ARF1: variants seen among roughly 807,000 people sequenced by gnomAD.
ARF1 encodes the protein ADP-ribosylation factor 1.
ARF1 carries 1 observed loss-of-function variant against 18.0 expected under a neutral mutation model. The observed-to-expected ratio is 0.06, with a 90% CI of 0.02 to 0.26. The LOEUF (loss-of-function observed/expected upper bound fraction) is 0.26. ARF1 is among the 10% of genes least tolerant of loss of function. ARF1 has a pLI of 1.00. For missense variants in ARF1, 73 were observed against 247.2 expected (o/e 0.30, Z 4.73); for synonymous variants, 112 against 96.3 (o/e 1.16, Z -0.95).
Position 228,097,025 on chromosome 1 carries a change from G to C in ARF1, c.-37-53G>C. 6.7e-7 allele frequency: 1 copy of C among 1,482,986 alleles called. No individual in the cohort carries two copies. The allele number at this position is 1,482,986 out of a possible 1,614,324, so 91.9% of individuals were successfully genotyped here. The stretch of plus-strand genomic sequence containing the variant: ...GCATCCCTGGGTGGGTGGGTTCTGA[G>C]CAACCACTGCTGGGCAGCACAGAAC... On this transcript the variant is annotated intron_variant, in intron 1 of 4. Coordinates refer to ENST00000272102, the MANE Select transcript of ARF1 (RefSeq NM_001658.4). This position sits in a 1 kb window ranked among gnomAD's most constrained non-coding sequence, Gnocchi z 8.1.
intron 1 of ARF1, among the ~76,000 whole-genome samples, chr1:228,090,080 G>A (rs548143947): frequency 9.8e-5 from 15 of 152,368 alleles, no homozygotes; most frequent in South Asian, 4.1e-4. Context: ...ACAGGGGAAC[G>A]CACTGCTAGC....
chr1:228,082,963 G>A lies in ARF1; in HGVS notation c.-38+198G>A. The A allele has an allele frequency of 6.6e-6, 1 of 152,500 alleles. No homozygotes were observed. Among genetic ancestry groups the A allele is most frequent in the South Asian group, 1.9e-4 (1 of 5,130 alleles). The allele number at this position is 152,500 out of a possible 1,614,324, so 9.4% of individuals were successfully genotyped here. On this transcript the variant is annotated intron_variant, in intron 1 of 4. Coordinates refer to ENST00000272102, the MANE Select transcript of ARF1 (RefSeq NM_001658.4). This position sits in a 1 kb window ranked among gnomAD's most constrained non-coding sequence, Gnocchi z 6.1. ...GGCCCGGCCGGAGTCGGGGCTGGGCGGACGGGCGGGTCGGTGAGCTCCTCG... is the reference window on the plus strand; with the variant it reads ...GGCCCGGCCGGAGTCGGGGCTGGGCAGACGGGCGGGTCGGTGAGCTCCTCG...
intron 1 of ARF1, among the ~76,000 whole-genome samples, chr1:228,095,396 CGCAG>C (rs2032708210): frequency 6.6e-6 from 1 of 152,148 alleles, no homozygotes; most frequent in Admixed American, 6.5e-5. Context: ...CATGGCTCAG[CGCAG>C]GCCTAAGCCC....
At chr1:228,096,153 G>A (rs1375697458) in intron 1 of ARF1, among the ~76,000 whole-genome samples, 1 of 152,214 alleles carries the variant, frequency 6.6e-6, no homozygotes, top group Non-Finnish European at 1.5e-5. Flanking sequence ...GGATGAGAGA[G>A]TCACCAGCGG....
At chr1:228,094,667 G>C (rs996205462) in intron 1 of ARF1, among the ~76,000 whole-genome samples, 1 of 152,130 alleles carries the variant, frequency 6.6e-6, no homozygotes, top group Admixed American at 6.6e-5. Context: ...CTGTGGGCTC[G>C]CATCCTCTCC....
chr1:228,086,993 TGTG>T (rs1024279939), intron 1 of ARF1, among the ~76,000 whole-genome samples: 5 of 152,242 alleles, frequency 3.3e-5, no homozygotes, highest in African/African-American at 1.2e-4. Context: ...CCCCTGCTCA[TGTG>T]GTGTGAGAAG....
At chr1:228,084,136 T>C (rs1390248327) in intron 1 of ARF1, among the ~76,000 whole-genome samples, 1 of 152,242 alleles carries the variant, frequency 6.6e-6, no homozygotes, top group African/African-American at 2.4e-5. Context: ...GCTGTTGCGT[T>C]AGCCATTGTC....
chr1:228,090,934 C>T (rs1202293470), intron 1 of ARF1: 1 of 152,260 alleles, frequency 6.6e-6, no homozygotes, highest in African/African-American at 2.4e-5. Flanking sequence ...GAGACACTGC[C>T]TTCAGCAGCC....
In ARF1 at chr1:228,097,131, C is replaced by G; in HGVS notation, c.17C>G (p.Ala6Gly). Residue 6 changes from alanine to glycine, a missense_variant, in exon 2 of 5, where the codon GCC becomes GGC. This residue lies in a region of ARF1 where 13 missense variants were observed against 17.2 expected (regional missense o/e 0.75). Coordinates refer to ENST00000272102, the MANE Select transcript of ARF1 (RefSeq NM_001658.4). This position sits in a 1 kb window ranked among gnomAD's most constrained non-coding sequence, Gnocchi z 8.1. The part of the protein sequence containing the change: MGNIF[A>G]NLFKGLFGKK... ...TCCACAAGCATGGGGAACATCTTCGCCAACCTCTTCAAGGGCCTTTTTGGC... is the reference window on the plus strand; with the variant it reads ...TCCACAAGCATGGGGAACATCTTCGGCAACCTCTTCAAGGGCCTTTTTGGC... 3 of 1,607,542 alleles carry G rather than the reference C, an allele frequency of 1.9e-6. No homozygotes were observed. The highest frequency in any genetic ancestry group is 2.5e-6 in the Non-Finnish European group (3 of 1,176,662).
chr1:228,098,341 A>C lies in ARF1; in HGVS notation c.*328A>C, dbSNP rs748699232. Reference sequence around the variant, plus strand: ...GGCCTCCAGGAGTCGCTGTGTTGGGAGAGCCGGCCACGCCCTTGGCTTTAG... The same window carrying C: ...GGCCTCCAGGAGTCGCTGTGTTGGGCGAGCCGGCCACGCCCTTGGCTTTAG... On this transcript the variant is annotated 3_prime_UTR_variant, in exon 5 of 5. Coordinates refer to ENST00000272102, the MANE Select transcript of ARF1 (RefSeq NM_001658.4). 36 of 212,224 alleles carry C rather than the reference A, an allele frequency of 1.7e-4. No homozygotes were observed. Among genetic ancestry groups the C allele is most frequent in the Non-Finnish European group, 2.7e-4 (29 of 107,704 alleles). The allele number at this position is 212,224 out of a possible 1,614,324, so 13.1% of individuals were successfully genotyped here. A position where few individuals can be genotyped will look rare whatever the true frequency, so the allele number is the denominator to read the frequency against.
chr1:228,097,816 T>C lies in ARF1; in HGVS notation c.385-36T>C, dbSNP rs1404900845. On this transcript the variant is annotated intron_variant, in intron 4 of 4. Transcript: ENST00000272102. The surrounding 1 kb of genome is among the most constrained non-coding windows in gnomAD (Gnocchi z 8.1). ...TGGTGGGGCCCCTTTCTCTGTCCTG[T>C]GGACAGCCCTTCCCACCAACCCTTC... 22 of 1,603,204 alleles carry C rather than the reference T, an allele frequency of 1.4e-5. No homozygotes were observed. Among genetic ancestry groups the C allele is most frequent in the Non-Finnish European group, 1.9e-5 (22 of 1,173,618 alleles).
At chr1:228,094,057 TGGC>T (rs971640059) in intron 1 of ARF1, among the ~76,000 whole-genome samples, 5 of 151,838 alleles carry the variant, frequency 3.3e-5, no homozygotes, top group African/African-American at 7.3e-5. Flanking sequence ...TGGGCATGGT[TGGC>T]GGCACTGCCC....
At chr1:228,094,638 C>A (rs373711272) in intron 1 of ARF1, among the ~76,000 whole-genome samples, 4 of 152,254 alleles carry the variant, frequency 2.6e-5, no homozygotes, top group African/African-American at 9.6e-5. Context: ...GGCTAGGCTG[C>A]TGCTCTCTCT....
intron 1 of ARF1, among the ~76,000 whole-genome samples, chr1:228,095,484 G>A (rs532549997): frequency 6.6e-5 from 10 of 152,242 alleles, no homozygotes; most frequent in South Asian, 6.2e-4. Context: ...CTTTGAACCC[G>A]ACCCAACACA....
chr1:228,083,483 T>C (rs1307269029), intron 1 of ARF1: 1 of 152,150 alleles, frequency 6.6e-6, no homozygotes, highest in African/African-American at 2.4e-5. Flanking sequence ...CCAGAGTGCC[T>C]CCCTTCACAC....
chr1:228,086,060 G>A (rs2032388058), intron 1 of ARF1, among the ~76,000 whole-genome samples: 1 of 152,188 alleles, frequency 6.6e-6, no homozygotes, highest in Admixed American at 6.5e-5. Context: ...AGTGGAGAGG[G>A]ACTGAAGATT....
rs1404699228 is a variant in ARF1, at chr1:228,097,315, A to G, written c.149-27A>G. The G allele has an allele frequency of 6.2e-7, 1 of 1,612,010 alleles. No individual in the cohort carries two copies. The highest frequency in any genetic ancestry group is 8.5e-7 in the Non-Finnish European group (1 of 1,178,930). ...CTGGGCTGGGCTGGGCCAAGGTACA[A>G]GGCCTCACCCTGCATCCCGCACCCA... On this transcript the variant is annotated intron_variant, in intron 2 of 4. Coordinates refer to ENST00000272102, the MANE Select transcript of ARF1 (RefSeq NM_001658.4). This position sits in a 1 kb window ranked among gnomAD's most constrained non-coding sequence, Gnocchi z 8.1.
chr1:228,085,522 A>G (rs1295759195), intron 1 of ARF1, among the ~76,000 whole-genome samples: 1 of 152,154 alleles, frequency 6.6e-6, no homozygotes, highest in South Asian at 2.1e-4. Context: ...GCTGGCTGAT[A>G]AGCCATAAAG....
rs1172435424 is a variant in ARF1 at position 228,089,373 on chromosome 1, G to C, written c.-38+6608G>C. ...CGGTGGCCTCCCAGGGTCTGTGGGG[G>C]GGCATCCCCGTCTCTTTACATGTCT... is the stretch of plus-strand genomic sequence containing the variant. On this transcript the variant is annotated intron_variant, in intron 1 of 4. Coordinates refer to ENST00000272102, the MANE Select transcript of ARF1 (RefSeq NM_001658.4). The surrounding 1 kb of genome is among the most constrained non-coding windows in gnomAD (Gnocchi z 4.1). Among the ~76,000 whole-genome samples the C allele has an allele frequency of 2.0e-5, 3 of 152,182 alleles. No homozygotes were observed. The East Asian group carries it at 5.8e-4, about 29-fold the overall frequency.
Sources: allele counts gnomAD v4.1 joint callset (sites outside exome capture counted in the v4.1 genomes callset), GRCh38; gene constraint gnomAD v4.1.1; regional missense constraint gnomAD v4.1.1; non-coding constraint Gnocchi (gnomAD v3.1); transcripts MANE v1.5; gene names NCBI Gene and HGNC (gene_info 2026-07-23, HGNC 2026-07-21).